VPS13A: variants seen among roughly 807,000 people sequenced by gnomAD.
The protein encoded by VPS13A is vacuolar protein sorting 13 homolog A.
A neutral mutation model predicts 390.9 loss-of-function variants in VPS13A; 264 were observed. That is an observed-to-expected ratio of 0.68 (90% CI 0.61 to 0.75). The LOEUF (loss-of-function observed/expected upper bound fraction) is 0.75. VPS13A is among the 30% of genes least tolerant of loss of function. The pLI, the probability that VPS13A is intolerant of heterozygous loss-of-function variation, is 0.00. For synonymous variants in VPS13A, 1,231 were observed against 1,227.1 expected (o/e 1.00, Z -0.07); for missense variants, 3,409 against 3,733.9 (o/e 0.91, Z 2.27).
chr9:77,380,443 C>G, intron 67 of VPS13A, among the ~76,000 whole-genome samples: 1 of 151,980 alleles, frequency 6.6e-6, no homozygotes, highest in Non-Finnish European at 1.5e-5. Flanking sequence ...CTCCCAAGTA[C>G]TGGGACTACA....
intron 39 of VPS13A, 107 bp from the exon 40 acceptor site, chr9:77,317,499 T>C: frequency 2.4e-6 from 2 of 817,544 alleles, no homozygotes; most frequent in East Asian, 2.9e-5. Flanking sequence ...TAAATAGTTG[T>C]TTTTATTAAC....
intron 71 of VPS13A, among the ~76,000 whole-genome samples, chr9:77,413,035 C>G (rs1159371918): frequency 6.6e-6 from 1 of 152,166 alleles, no homozygotes; most frequent in African/African-American, 2.4e-5. Flanking sequence ...ATCCAACTTA[C>G]AAGGGATGTG....
chr9:77,225,258 C>T (rs577747007), intron 13 of VPS13A, among the ~76,000 whole-genome samples: 2 of 152,146 alleles, frequency 1.3e-5, no homozygotes, highest in South Asian at 2.1e-4. Flanking sequence ...GAAGGATTTA[C>T]GATTATATAT....
chr9:77,214,341 A>C lies in VPS13A; in HGVS notation c.709A>C (p.Asn237His). Residue 237 changes from asparagine to histidine, a missense_variant, in exon 10 of 72, where the codon AAT (asparagine) becomes CAT (histidine). Physicochemically the swap from Asn to His is moderately conservative, Grantham distance 68. Around this residue, in one of 5 missense-constraint regions of VPS13A, gnomAD observed 2,717 missense variants for 2,917.4 expected, o/e 0.93. Transcript: ENST00000360280. ...TGTCTTTTAATAGGACGACTTGAAG[A>C]ATGGCATTGTCAATGAAAATATTGT... Reference protein sequence around the residue: ...DYDNSLDDLKNGIVNENIVPE... With the variant: ...DYDNSLDDLKHGIVNENIVPE... 1 of 1,613,040 alleles carries C rather than the reference A, an allele frequency of 6.2e-7. No individual in the cohort carries two copies. The highest frequency in any genetic ancestry group is 2.2e-5 in the East Asian group (1 of 44,812).
At chr9:77,287,224 TTCTCTC>T (rs147295666) in intron 31 of VPS13A, among the ~76,000 whole-genome samples, 2 of 145,088 alleles carry the variant, frequency 1.4e-5, no homozygotes, top group Admixed American at 7.0e-5. Context: ...ATACATAAAA[TTCTCTC>T]TCTCTCTCTC....
chr9:77,344,003 T>G, intron 50 of VPS13A, 150 bp from the exon 51 acceptor site: 1 of 695,172 alleles, frequency 1.4e-6, no homozygotes, highest in Non-Finnish European at 2.3e-6. Context: ...AGTTGAAAGT[T>G]TACAGCTGTT....
chr9:77,412,606 A>G (rs1462719693), intron 71 of VPS13A, among the ~76,000 whole-genome samples: 1 of 152,216 alleles, frequency 6.6e-6, no homozygotes, highest in Admixed American at 6.5e-5. Context: ...TCTCAAAATA[A>G]TAAGAGCTAT....
At chr9:77,415,824 A>G (rs1835148659) in intron 71 of VPS13A, 132 bp from the exon 72 acceptor site, 4 of 1,012,278 alleles carry the variant, frequency 4.0e-6, no homozygotes, top group South Asian at 2.7e-5. Flanking sequence ...TGCAGGATGA[A>G]TTTTATGTAT....
At chr9:77,314,145 T>C in intron 36 of VPS13A, 26 bp downstream of exon 36, 1 of 1,611,576 alleles carries the variant, frequency 6.2e-7, no homozygotes, top group Non-Finnish European at 8.5e-7. Flanking sequence ...AAAGAAAATG[T>C]ATTTTCACAT....
intron 1 of VPS13A, among the ~76,000 whole-genome samples, chr9:77,191,561 A>G (rs1824688706): frequency 2.0e-5 from 3 of 152,070 alleles, no homozygotes; most frequent in African/African-American, 7.2e-5. Context: ...AGCCTTGCAA[A>G]GTACTGGGAT....
At chr9:77,191,297 T>TC (rs200316084) in intron 1 of VPS13A, among the ~76,000 whole-genome samples, 3 of 145,240 alleles carry the variant, frequency 2.1e-5, no homozygotes, top group South Asian at 2.2e-4. Flanking sequence ...TTCTTCTTCT[T>TC]TTTTTTTTTT....
At chr9:77,343,680 T>A (rs189735864) in intron 50 of VPS13A, among the ~76,000 whole-genome samples, 8 of 152,218 alleles carry the variant, frequency 5.3e-5, no homozygotes, top group Non-Finnish European at 1.0e-4. Flanking sequence ...CTACTTTTAC[T>A]TTTTTACCCT....
chr9:77,391,295 A>G (rs1453389350), intron 68 of VPS13A, among the ~76,000 whole-genome samples: 1 of 152,230 alleles, frequency 6.6e-6, no homozygotes, highest in Non-Finnish European at 1.5e-5. Flanking sequence ...CTGTAACAAT[A>G]ACATTGTTAG....
chr9:77,324,645 A>T (rs1829912185), intron 45 of VPS13A, among the ~76,000 whole-genome samples: 1 of 152,140 alleles, frequency 6.6e-6, no homozygotes, highest in Non-Finnish European at 1.5e-5. Context: ...TTGCATTTAT[A>T]TTCATGAGGG....
At chr9:77,406,627 G>T (rs1834623874) in intron 70 of VPS13A, among the ~76,000 whole-genome samples, 2 of 151,804 alleles carry the variant, frequency 1.3e-5, no homozygotes, top group African/African-American at 4.8e-5. Context: ...AGGTTGGCCA[G>T]TCTGGTCTTG....
chr9:77,282,104 T>G lies in VPS13A; in HGVS notation c.2965-17T>G. ...AATATTTATTGACCTATCACTAAAA[T>G]CAGCTTTGTTCTTTAGGTAAATTTT... On this transcript the variant is annotated splice_polypyrimidine_tract_variant and intron_variant, in intron 28 of 71. Transcript: ENST00000360280. The G allele has an allele frequency of 6.2e-7, 1 of 1,612,694 alleles. No individual in the cohort carries two copies. Among genetic ancestry groups the G allele is most frequent in the Non-Finnish European group, 8.5e-7 (1 of 1,179,016 alleles).
intron 10 of VPS13A, 126 bp downstream of exon 10, chr9:77,214,512 A>T: frequency 6.1e-6 from 4 of 653,826 alleles, no homozygotes; most frequent in Non-Finnish European, 1.0e-5. Flanking sequence ...TGTATTTATA[A>T]TGTATATACA....
intron 71 of VPS13A, among the ~76,000 whole-genome samples, chr9:77,415,531 T>C (rs567326164): frequency 6.6e-6 from 1 of 152,310 alleles, no homozygotes; most frequent in South Asian, 2.1e-4. Context: ...AGAAAATATA[T>C]TGTGAGAGCA....
chr9:77,283,402 G>A lies in VPS13A; in HGVS notation c.3166G>A (p.Ala1056Thr). ...AGATATCATTACTTTGCAGATTTTA[G>A]CAGAATTATCGTGTTTACAGATCTT... ...NEDIITLQIL[A>T]ELSCLQIFIQ... is the part of the protein sequence containing the mutation. Residue 1056 changes from alanine (A) to threonine (T), a missense_variant, in exon 30 of 72, where the codon GCA (alanine) becomes ACA (threonine). Ala to Thr is a moderately conservative substitution (Grantham distance 58). Around this residue, in one of 5 missense-constraint regions of VPS13A, gnomAD observed 2,717 missense variants for 2,917.4 expected, o/e 0.93. Transcript: ENST00000360280. 2 of 1,608,138 alleles carry A rather than the reference G, an allele frequency of 1.2e-6. No homozygotes were observed. Among genetic ancestry groups the A allele is most frequent in the Non-Finnish European group, 1.7e-6 (2 of 1,175,472 alleles).
Sources: allele counts gnomAD v4.1 joint callset (sites outside exome capture counted in the v4.1 genomes callset), GRCh38; gene constraint gnomAD v4.1.1; regional missense constraint gnomAD v4.1.1; transcripts MANE v1.5; gene names NCBI Gene and HGNC (gene_info 2026-07-23, HGNC 2026-07-21).